FSTL4: variants seen among roughly 807,000 people sequenced by gnomAD.
The protein encoded by FSTL4 is follistatin-related protein 4.
Under a neutral mutation model 78.2 loss-of-function variants are expected in FSTL4, and 28 were observed. The ratio of observed to expected loss-of-function variants is 0.36; its 90% CI spans 0.27 to 0.49. The LOEUF is 0.49. Among genes scored for constraint, FSTL4 ranks in the 20% least tolerant of loss-of-function variants. The probability of loss-of-function intolerance (pLI) is 0.98; values close to 1 mark genes in which losing one functional copy is unlikely to be tolerated. For synonymous variants in FSTL4, 422 were observed against 440.5 expected (o/e 0.96, Z 0.53); for missense variants, 922 against 1,084.9 (o/e 0.85, Z 2.11).
chr5:133,755,620 C>T, the FSTL4 span, among the ~76,000 whole-genome samples: 1 of 152,170 alleles, frequency 6.6e-6, no homozygotes, highest in African/African-American at 2.4e-5. Flanking sequence ...GCCTGATGGG[C>T]TTCTACTTGC....
intron 3 of FSTL4, among the ~76,000 whole-genome samples, chr5:133,419,802 T>A (rs1756655719): frequency 6.6e-6 from 1 of 152,252 alleles, no homozygotes; most frequent in Non-Finnish European, 1.5e-5. Context: ...TTTAGTGGCA[T>A]ATTACTAAAT....
intron 3 of FSTL4, among the ~76,000 whole-genome samples, chr5:133,561,132 T>C (rs1161706430): frequency 2.0e-5 from 3 of 147,642 alleles, no homozygotes; most frequent in Non-Finnish European, 4.5e-5. Context: ...ATAATAATAA[T>C]AATAATAATT....
intron 2 of FSTL4, among the ~76,000 whole-genome samples, chr5:133,593,538 T>A (rs1760678752): frequency 6.6e-6 from 1 of 151,994 alleles, no homozygotes; most frequent in Non-Finnish European, 1.5e-5. Context: ...CAACCCGCAC[T>A]CTTAAGGACT....
In FSTL4 at chr5:133,282,519, G is replaced by C. The variant is rs143725934; in HGVS notation, c.727+30135C>G. On this transcript the variant is annotated intron_variant, in intron 6 of 15. Coordinates refer to ENST00000265342, the MANE Select transcript of FSTL4 (RefSeq NM_015082.2). ...CTCAAAATGCATTTTAATCCCATTA[G>C]CAGCAGGATCATTTCTCCCATACGA... 6.8e-3 allele frequency among the ~76,000 whole-genome samples: 1,039 copies of C among 152,326 alleles called. 9 individuals are homozygous for C. The highest frequency in any genetic ancestry group is 0.01 in the Non-Finnish European group (711 of 68,026).
the FSTL4 span, among the ~76,000 whole-genome samples, chr5:133,686,566 G>A: frequency 2.6e-5 from 4 of 152,210 alleles, no homozygotes; most frequent in South Asian, 2.1e-4. Flanking sequence ...GATAACTGAC[G>A]TGTATGCCCA....
intron 3 of FSTL4, among the ~76,000 whole-genome samples, chr5:133,488,952 A>G (rs1271913569): frequency 6.6e-6 from 1 of 152,148 alleles, no homozygotes; most frequent in Non-Finnish European, 1.5e-5. Flanking sequence ...TGTAGGACCT[A>G]TCCAAAAGGC....
At chr5:133,748,171 C>T in the FSTL4 span, among the ~76,000 whole-genome samples, 11 of 145,302 alleles carry the variant, frequency 7.6e-5, no homozygotes, top group South Asian at 4.4e-4. Context: ...TCCAGCCTGG[C>T]GACAGAACGA....
chr5:133,756,930 G>A, the FSTL4 span, among the ~76,000 whole-genome samples: 2 of 152,152 alleles, frequency 1.3e-5, no homozygotes, highest in African/African-American at 4.8e-5. Flanking sequence ...CATGTACACA[G>A]GAGTCAGCTC....
chr5:133,658,267 T>C, the FSTL4 span, among the ~76,000 whole-genome samples: 193 of 152,274 alleles, frequency 1.3e-3, no homozygotes, highest in Non-Finnish European at 2.0e-3. Context: ...ATTTTTAGGA[T>C]CAGGTTTATA....
chr5:133,539,052 C>T (rs1033194616), intron 3 of FSTL4, among the ~76,000 whole-genome samples: 5 of 152,060 alleles, frequency 3.3e-5, no homozygotes, highest in Admixed American at 6.5e-5. Flanking sequence ...GCAATCTAGC[C>T]GGCAAGGTGA....
intron 4 of FSTL4, among the ~76,000 whole-genome samples, chr5:133,366,155 C>T (rs1580652642): frequency 6.6e-6 from 1 of 152,218 alleles, no homozygotes; most frequent in Admixed American, 6.5e-5. Context: ...TGTCAAGCTC[C>T]TTTCAGGTTC....
intron 4 of FSTL4, among the ~76,000 whole-genome samples, chr5:133,372,800 G>A (rs1373165831): frequency 6.6e-6 from 1 of 152,210 alleles, no homozygotes; most frequent in African/African-American, 2.4e-5. Context: ...CCAGCGGGGA[G>A]GAACTGAAAT....
chr5:133,566,352 A>T (rs1219676761), intron 3 of FSTL4, among the ~76,000 whole-genome samples: 1 of 152,242 alleles, frequency 6.6e-6, no homozygotes, highest in Non-Finnish European at 1.5e-5. Context: ...TGTTAGATTT[A>T]GTAGTCAATA....
the FSTL4 span, among the ~76,000 whole-genome samples, chr5:133,819,202 A>G: frequency 0.97 from 146,562 of 151,536 alleles, 71,059 homozygotes; most frequent in East Asian, 1. Context: ...TAGAACAAGA[A>G]AGTGAAGTCA....
the FSTL4 span, among the ~76,000 whole-genome samples, chr5:133,743,885 G>A: frequency 6.6e-6 from 1 of 152,208 alleles, no homozygotes; most frequent in African/African-American, 2.4e-5. Flanking sequence ...GAATAGTCAG[G>A]TGACCCCAGC....
chr5:133,671,295 G>C, the FSTL4 span, among the ~76,000 whole-genome samples: 8 of 151,986 alleles, frequency 5.3e-5, no homozygotes, highest in Non-Finnish European at 1.2e-4. Context: ...CTATGTAAAT[G>C]CTTGTCATTT....
At chr5:133,350,016 T>G (rs1186120259) in intron 4 of FSTL4, among the ~76,000 whole-genome samples, 2 of 146,476 alleles carry the variant, frequency 1.4e-5, no homozygotes, top group African/African-American at 2.5e-5. Context: ...ATGTTTGTCA[T>G]GCTGCCATGC....
intron 3 of FSTL4, among the ~76,000 whole-genome samples, chr5:133,506,841 T>C (rs886686278): frequency 6.6e-6 from 1 of 152,242 alleles, no homozygotes; most frequent in South Asian, 2.1e-4. Context: ...GAGGAATGAC[T>C]GGCTGGCTGA....
chr5:133,504,190 A>G (rs1014428690), intron 3 of FSTL4, among the ~76,000 whole-genome samples: 1 of 151,576 alleles, frequency 6.6e-6, no homozygotes, highest in Non-Finnish European at 1.5e-5. Context: ...TCAATCATTT[A>G]CCCCCAAAAG....
Sources: allele counts gnomAD v4.1 joint callset (sites outside exome capture counted in the v4.1 genomes callset), GRCh38; gene constraint gnomAD v4.1.1; transcripts MANE v1.5; gene names NCBI Gene and HGNC (gene_info 2026-07-23, HGNC 2026-07-21).